The following DCC variants were observed in gnomAD, a reference collection of about 807,000 sequenced individuals.
DCC encodes netrin receptor DCC.
In DCC, 58 loss-of-function variants were observed where a neutral mutation model predicts 172.5. The ratio of observed to expected loss-of-function variants is 0.34; its 90% confidence interval spans 0.27 to 0.42. The LOEUF (loss-of-function observed/expected upper bound fraction) is 0.42. Among genes scored for constraint, DCC ranks in the 10% least tolerant of loss-of-function variants. DCC has a pLI of 1.00. For missense variants in DCC, 1,740 were observed against 1,791.0 expected (o/e 0.97, Z 0.51); for synonymous variants, 709 against 644.5 (o/e 1.10, Z -1.52).
chr18:52,550,036 C>A lies in DCC; in HGVS notation c.92-202018C>A, dbSNP rs2144720566. On this transcript the variant is annotated intron_variant, in intron 1 of 28. Coordinates refer to ENST00000442544, the MANE Select transcript of DCC (RefSeq NM_005215.4). ...AGAAATAGGACACACATCACCTTAG[C>A]CAAGTGTTCAAGGTGGATATCAACA... Among the ~76,000 whole-genome samples, 2 of 151,976 alleles carry A rather than the reference C, an allele frequency of 1.3e-5. 1 individual carries two copies. The highest frequency in any genetic ancestry group is 4.2e-4 in the South Asian group (2 of 4,818).
chr18:53,465,751 T>TTTTATTTATTTATTTATTTA (rs3061298), intron 24 of DCC, among the ~76,000 whole-genome samples: 1 of 151,308 alleles, frequency 6.6e-6, no homozygotes, highest in African/African-American at 2.4e-5. Context: ...TTTCTATTCT[T>TTTTATTTATTTATTTATTTA]TTTATTTATT....
chr18:52,583,455 CT>C (rs1241105259), intron 1 of DCC, among the ~76,000 whole-genome samples: 2 of 152,182 alleles, frequency 1.3e-5, no homozygotes, highest in African/African-American at 4.8e-5. Context: ...TTATACTTTT[CT>C]AGTAAAATGT....
At chr18:53,149,113 G>A (rs894065114) in intron 7 of DCC, among the ~76,000 whole-genome samples, 1 of 151,628 alleles carries the variant, frequency 6.6e-6, no homozygotes, top group African/African-American at 2.4e-5. Context: ...CACCCGCCTC[G>A]GCCTCCCAAA....
At chr18:53,066,694 A>C (rs564758143) in intron 7 of DCC, among the ~76,000 whole-genome samples, 1 of 151,998 alleles carries the variant, frequency 6.6e-6, no homozygotes, top group East Asian at 1.9e-4. Flanking sequence ...TCTTATATGT[A>C]ATCTTGAATC....
At chr18:52,719,520 T>A (rs985768207) in intron 1 of DCC, among the ~76,000 whole-genome samples, 28 of 151,668 alleles carry the variant, frequency 1.8e-4, no homozygotes, top group African/African-American at 6.5e-4. Context: ...CTCTGTTAGG[T>A]ACTGAGTGTA....
intron 5 of DCC, among the ~76,000 whole-genome samples, chr18:52,930,341 C>T (rs548892231): frequency 6.6e-6 from 1 of 152,172 alleles, no homozygotes; most frequent in South Asian, 2.1e-4. Context: ...CACCTGTAGT[C>T]CCAGCTACTC....
chr18:53,435,018 G>C, intron 21 of DCC, 126 bp from the exon 22 acceptor site: 1 of 773,662 alleles, frequency 1.3e-6, no homozygotes, highest in Admixed American at 1.8e-5. Context: ...TATGAGAGTT[G>C]TCAGGCTTTC....
At chr18:53,059,450 C>T (rs771732844) in intron 5 of DCC, among the ~76,000 whole-genome samples, 2 of 152,048 alleles carry the variant, frequency 1.3e-5, no homozygotes, top group Non-Finnish European at 2.9e-5. Flanking sequence ...GTAATTTGGT[C>T]ATGTATTATT....
chr18:53,302,831 T>C (rs1008666036), intron 12 of DCC, among the ~76,000 whole-genome samples: 1 of 152,194 alleles, frequency 6.6e-6, no homozygotes, highest in Non-Finnish European at 1.5e-5. Context: ...CCATTCTTAC[T>C]GTTGATCATG....
intron 1 of DCC, among the ~76,000 whole-genome samples, chr18:52,545,874 G>T (rs186636346): frequency 4.0e-4 from 61 of 152,226 alleles, no homozygotes; most frequent in African/African-American, 1.4e-3. Flanking sequence ...TACCCATTTG[G>T]ATACAGTTTC....
At position 52,541,891 on chromosome 18, in the gene DCC, A is replaced by ATATATATATATATATATATATG. The variant is rs1449522752; in HGVS notation, c.91+201018_91+201019insATATATATATATATATGTATAT. Among the ~76,000 whole-genome samples the ATATATATATATATATATATATG allele has an allele frequency of 1.4e-3, 163 of 115,698 alleles. 7 individuals are homozygous for ATATATATATATATATATATATG. The East Asian group carries it at 0.04, about 28-fold the overall frequency. 75.9% of individuals were successfully genotyped at this position (115,698 alleles called of 152,430 possible). The stretch of plus-strand genomic sequence containing the variant: ...TGTGTGTGTGTATATATATATATAT[A>ATATATATATATATATATATATG]TATATGTGTATATATATATGTACAC... On this transcript the variant is annotated intron_variant, in intron 1 of 28. Transcript: ENST00000442544.
chr18:52,451,639 G>A (rs1417411043), intron 1 of DCC, among the ~76,000 whole-genome samples: 28 of 152,084 alleles, frequency 1.8e-4, no homozygotes, highest in Admixed American at 6.6e-5. Context: ...GCAAGTAATA[G>A]GAGGACCAAA....
chr18:52,925,220 C>G lies in DCC; in HGVS notation c.849-14C>G. ...ATATGTTAATTTACTCTGCACCTTC[C>G]CTATGTCTTGCAGGTCTAAAAAGTA... On this transcript the variant is annotated splice_polypyrimidine_tract_variant and intron_variant, in intron 4 of 28. Coordinates refer to ENST00000442544, the MANE Select transcript of DCC (RefSeq NM_005215.4). 6.2e-7 allele frequency: 1 copy of G among 1,610,998 alleles called. No individual in the cohort carries two copies. Among genetic ancestry groups the G allele is most frequent in the Non-Finnish European group, 8.5e-7 (1 of 1,177,688 alleles).
At chr18:53,522,155 A>G (rs1179992916) in intron 27 of DCC, among the ~76,000 whole-genome samples, 2 of 152,122 alleles carry the variant, frequency 1.3e-5, no homozygotes, top group Non-Finnish European at 2.9e-5. Flanking sequence ...ATAATAACCT[A>G]AAATATCAAC....
intron 1 of DCC, among the ~76,000 whole-genome samples, chr18:52,416,814 G>A (rs2144418855): frequency 6.6e-6 from 1 of 152,184 alleles, no homozygotes; most frequent in South Asian, 2.1e-4. Flanking sequence ...GATGGGTCTT[G>A]ACTCTTTATC....
Position 53,402,892 on chromosome 18 carries a change from T to C in DCC, c.2934T>C (p.Thr978=), listed in dbSNP as rs756994585. The part of the protein sequence containing the change: ...QPPLEANGKI[T]AYILFYTLDK... Reference sequence around the variant, plus strand: ...CCTTGGAAGCCAATGGGAAAATTACTGGTAAGCATCTCCACTTTCTCTCCC... The same window carrying C: ...CCTTGGAAGCCAATGGGAAAATTACCGGTAAGCATCTCCACTTTCTCTCCC... The change falls in exon 19 of 29, where the codon ACT becomes ACC. Residue 978 remains threonine (T), a splice_region_variant and synonymous_variant. Coordinates refer to ENST00000442544, the MANE Select transcript of DCC (RefSeq NM_005215.4). The C allele has an allele frequency of 6.2e-7, 1 of 1,605,746 alleles. No homozygotes were observed. Among genetic ancestry groups the C allele is most frequent in the Non-Finnish European group, 8.5e-7 (1 of 1,172,342 alleles).
chr18:53,042,286 T>G (rs2042179267), intron 5 of DCC, among the ~76,000 whole-genome samples: 1 of 152,092 alleles, frequency 6.6e-6, no homozygotes, highest in Admixed American at 6.6e-5. Context: ...TTATTGGTTC[T>G]GTTTATGTGA....
chr18:53,322,257 T>C, intron 14 of DCC, 100 bp downstream of exon 14: 3 of 734,978 alleles, frequency 4.1e-6, no homozygotes, highest in Middle Eastern at 3.0e-4. Flanking sequence ...TTTGGGGACA[T>C]TGATTCTTAC....
At chr18:52,648,659 T>A (rs2035064693) in intron 1 of DCC, among the ~76,000 whole-genome samples, 1 of 152,140 alleles carries the variant, frequency 6.6e-6, no homozygotes, top group Non-Finnish European at 1.5e-5. Flanking sequence ...TGAGACTAGA[T>A]TGTGTGCCCA....
Sources: allele counts gnomAD v4.1 joint callset (sites outside exome capture counted in the v4.1 genomes callset), GRCh38; gene constraint gnomAD v4.1.1; transcripts MANE v1.5; gene names NCBI Gene and HGNC (gene_info 2026-07-23, HGNC 2026-07-21).